The following CLIC2 variants were observed in gnomAD, a reference collection of about 807,000 sequenced individuals.
CLIC2 encodes CLIC family member 2, also known as chloride intracellular channel protein 2.
In CLIC2, 9 loss-of-function variants were observed where a neutral mutation model predicts 14.8. The observed-to-expected ratio is 0.61, with a 90% CI of 0.37 to 1.06. The LOEUF (loss-of-function observed/expected upper bound fraction) is 1.06. Among genes scored for constraint, CLIC2 ranks in the 50% least tolerant of loss-of-function variants. The pLI is 0.01. For missense variants in CLIC2, 148 were observed against 181.4 expected, an observed-to-expected ratio of 0.82 and a Z score of 1.06; for synonymous variants, 61 against 66.3, an observed-to-expected ratio of 0.92 and a Z score of 0.39.
intron 3 of CLIC2, among the ~76,000 whole-genome samples, chrX:155,297,463 C>G (rs782776299): frequency 9.1e-6 from 1 of 109,855 alleles, no homozygotes; most frequent in South Asian, 3.9e-4. Context: ...CCGTAGATAC[C>G]TTGACTTTAT....
At chrX:155,305,013 G>C (rs2075045707) in intron 1 of CLIC2, among the ~76,000 whole-genome samples, 1 of 111,084 alleles carries the variant, frequency 9.0e-6, no homozygotes, top group Non-Finnish European at 1.9e-5. Context: ...TAAGTCGGCA[G>C]AGGTTACTGC....
intron 1 of CLIC2, among the ~76,000 whole-genome samples, chrX:155,313,829 G>A (rs782362583): frequency 7.1e-5 from 8 of 111,970 alleles, no homozygotes; most frequent in South Asian, 3.8e-4. Context: ...AAATAGACTC[G>A]GTGCTGTTGA....
At chrX:155,291,483 T>C (rs2074965060) in intron 3 of CLIC2, 1 of 370,958 alleles carries the variant, frequency 2.7e-6, no homozygotes, top group Admixed American at 4.4e-5. Flanking sequence ...TGACTTTCTA[T>C]GTTCCTATTT....
At chrX:155,289,719 C>T in intron 3 of CLIC2, among the ~76,000 whole-genome samples, 1 of 111,910 alleles carries the variant, frequency 8.9e-6, no homozygotes, top group Non-Finnish European at 1.9e-5. Context: ...TCAATGTCAT[C>T]AGAAATCCTG....
chrX:155,283,613 C>T (rs1441529629), intron 3 of CLIC2, among the ~76,000 whole-genome samples: 1 of 110,955 alleles, frequency 9.0e-6, no homozygotes. Flanking sequence ...CAAGTGTTCT[C>T]ATTGTTCAAT....
At chrX:155,305,004 A>C (rs1251428367) in intron 1 of CLIC2, among the ~76,000 whole-genome samples, 1 of 110,160 alleles carries the variant, frequency 9.1e-6, no homozygotes, top group Non-Finnish European at 1.9e-5. Flanking sequence ...AGGGACATTT[A>C]AGTCGGCAGA....
chrX:155,310,502 C>T (rs1479985955), intron 1 of CLIC2: 2 of 230,007 alleles, frequency 8.7e-6, no homozygotes, highest in Non-Finnish European at 1.7e-5. Flanking sequence ...GCAGCTCTGC[C>T]CCTGTGGCTT....
At chrX:155,297,615 G>A (rs868956350) in intron 3 of CLIC2, among the ~76,000 whole-genome samples, 22 of 103,005 alleles carry the variant, frequency 2.1e-4, no homozygotes, top group Non-Finnish European at 3.4e-4. Flanking sequence ...GGCCGAGGCC[G>A]GTGGATCACA....
chrX:155,277,985 G>C lies in CLIC2; in HGVS notation c.662C>G (p.Ala221Gly), dbSNP rs371783596. ...ACACGTGTGGGTAAATTCTTCACGG[G>C]CATAGGCATTGTGGAGATAACGCCA... ...GVWRYLHNAY[A>G]REEFTHTCPE... Residue 221 changes from alanine (A) to glycine (G), a missense_variant, in exon 6 of 6, where the codon GCC becomes GGC. Physicochemically the swap from Ala to Gly is moderately conservative, Grantham distance 60. Coordinates refer to ENST00000369449, the MANE Select transcript of CLIC2 (RefSeq NM_001289.6). The C allele has an allele frequency of 3.2e-4, 380 of 1,202,672 alleles. 2 individuals are homozygous for C. The South Asian group carries it at 6.4e-3, about 20-fold the overall frequency.
intron 1 of CLIC2, among the ~76,000 whole-genome samples, chrX:155,333,029 C>T (rs1245177852): frequency 1.8e-5 from 2 of 112,087 alleles, no homozygotes; most frequent in African/African-American, 6.5e-5. Flanking sequence ...CGCTCTTATG[C>T]CCGATAGTTT....
intron 1 of CLIC2, among the ~76,000 whole-genome samples, chrX:155,316,416 C>A (rs1557321090): frequency 1.8e-5 from 2 of 111,560 alleles, no homozygotes; most frequent in African/African-American, 6.5e-5. Context: ...ATCAAGTATT[C>A]TCTCAGAACA....
In CLIC2 at chrX:155,321,886, G is replaced by GA. The variant is rs1364041439; in HGVS notation, c.57+12484dup. On this transcript the variant is annotated intron_variant, in intron 1 of 5. Transcript: ENST00000369449. The stretch of plus-strand genomic sequence containing the variant: ...GGAATATTTACCAAGCAAATGGAAA[G>GA]AAAAAAAAAGCAGGGGTTGCAATCC... Among the ~76,000 whole-genome samples, 730 of 107,295 alleles carry GA rather than the reference G, an allele frequency of 6.8e-3. 6 individuals are homozygous for GA. Among genetic ancestry groups the GA allele is most frequent in the African/African-American group, 0.023 (690 of 29,529 alleles). 93.2% of individuals were successfully genotyped at this position (107,295 alleles called of 115,157 possible). A position where few individuals can be genotyped will look rare whatever the true frequency, so the allele number is the denominator to read the frequency against.
chrX:155,312,742 T>C (rs1299355846), intron 1 of CLIC2, among the ~76,000 whole-genome samples: 2 of 111,990 alleles, frequency 1.8e-5, no homozygotes, highest in Non-Finnish European at 3.8e-5. Context: ...ATTGAATCTA[T>C]AGATTGCTTT....
chrX:155,282,081 A>C (rs1557316565), intron 3 of CLIC2, among the ~76,000 whole-genome samples: 2 of 111,239 alleles, frequency 1.8e-5, no homozygotes, highest in African/African-American at 6.5e-5. Context: ...TCGCTCAATT[A>C]TGACACAGAC....
chrX:155,305,078 C>G (rs782637017), intron 1 of CLIC2, among the ~76,000 whole-genome samples: 1 of 112,422 alleles, frequency 8.9e-6, no homozygotes, highest in East Asian at 2.8e-4. Flanking sequence ...CAGAGGCAGG[C>G]AGACCTCTTT....
intron 1 of CLIC2, among the ~76,000 whole-genome samples, chrX:155,305,294 C>A (rs2075049415): frequency 8.9e-6 from 1 of 112,273 alleles, no homozygotes; most frequent in Non-Finnish European, 1.9e-5. Flanking sequence ...TTTTTTAAGC[C>A]CGCCGGAAAA....
chrX:155,310,669 T>G (rs1345519864), intron 1 of CLIC2, among the ~76,000 whole-genome samples: 2 of 34,432 alleles, frequency 5.8e-5, no homozygotes, highest in African/African-American at 9.0e-5. Flanking sequence ...AGCACCCCAG[T>G]GGGGACTCTG....
intron 1 of CLIC2, among the ~76,000 whole-genome samples, chrX:155,315,054 GA>G (rs782595257): frequency 9.1e-6 from 1 of 110,345 alleles, no homozygotes; most frequent in Non-Finnish European, 1.9e-5. Context: ...CAAAGACAAA[GA>G]AAAAAATAAT....
intron 1 of CLIC2, among the ~76,000 whole-genome samples, chrX:155,306,668 G>A (rs2075056736): frequency 9.0e-6 from 1 of 111,012 alleles, no homozygotes; most frequent in Non-Finnish European, 1.9e-5. Context: ...AGGCCTCAGG[G>A]AAATTTTACT....
Sources: allele counts gnomAD v4.1 joint callset (sites outside exome capture counted in the v4.1 genomes callset), GRCh38; gene constraint gnomAD v4.1.1; transcripts MANE v1.5; gene names NCBI Gene and HGNC (gene_info 2026-07-23, HGNC 2026-07-21).